Variants in TBC1D10C observed in about 807,000 individuals in gnomAD.
TBC1D10C encodes carabin.
TBC1D10C carries 49 observed loss-of-function variants against 51.0 expected under a neutral mutation model. The observed-to-expected ratio is 0.96, with a 90% CI of 0.76 to 1.22. The LOEUF is 1.22. Ranked by LOEUF, TBC1D10C falls within the 50% of genes most tolerant of loss-of-function variation. The probability of loss-of-function intolerance (pLI) is 0.00; values close to 1 mark genes in which losing one functional copy is unlikely to be tolerated. For missense variants in TBC1D10C, 541 were observed against 617.5 expected, an observed-to-expected ratio of 0.88 and a Z score of 1.31; for synonymous variants, 281 against 266.7, an observed-to-expected ratio of 1.05 and a Z score of -0.52.
chr11:67,407,035 G>A lies in TBC1D10C; in HGVS notation c.838+19G>A, dbSNP rs1404815704. On this transcript the variant is annotated intron_variant, in intron 7 of 8. Coordinates refer to ENST00000542590, the MANE Select transcript of TBC1D10C (RefSeq NM_001369496.1). ...AGTGAGGGTGAGTGGGGCAGCCAGT[G>A]GCTGGGGCAGGAGCCTTGGGGTGTG... 1.9e-6 allele frequency: 3 copies of A among 1,602,676 alleles called. No homozygotes were observed. In the African/African-American group the frequency reaches 4.0e-5, roughly 21 times the overall value.
At chr11:67,406,093 T>C (rs769957765) in intron 5 of TBC1D10C, 76 bp downstream of exon 5, 36 of 1,252,100 alleles carry the variant, frequency 2.9e-5, no homozygotes, top group Admixed American at 1.5e-4. Context: ...AACTGTGGCC[T>C]CAGAAACCTG....
intron 8 of TBC1D10C, 119 bp downstream of exon 8, chr11:67,409,252 A>G: frequency 7.0e-7 from 1 of 1,419,718 alleles, no homozygotes; most frequent in South Asian, 1.5e-5. Flanking sequence ...TGAGCTTCAG[A>G]GAACACAAAA....
Position 67,404,173 on chromosome 11 carries a change from C to A in TBC1D10C, c.-30C>A. ...CTCACACTGGTTCTCCCCACTTTCT[C>A]TGCCTGTGGCATCGAAGGCCCCGGG... On this transcript the variant is annotated 5_prime_UTR_variant, in exon 1 of 9. In the 5' UTR this introduces an upstream ATG that the reference lacks. Coordinates refer to ENST00000542590, the MANE Select transcript of TBC1D10C (RefSeq NM_001369496.1). 5 of 1,476,110 alleles carry A rather than the reference C, an allele frequency of 3.4e-6. No individual in the cohort carries two copies. The highest frequency in any genetic ancestry group is 1.4e-5 in the African/African-American group (1 of 69,412). 91.4% of individuals were successfully genotyped at this position (1,476,110 alleles called of 1,614,324 possible).
Position 67,405,111 on chromosome 11 carries a change from TC to T in TBC1D10C, c.181del (p.Arg61AlafsTer5), listed in dbSNP as rs923737558. ...CCGGGCCACCCACCTGCAGACCTCA[TC>T]CGCCAACGGGAGATGAAGTGGGTGG... Reference protein sequence around the residue: ...PGPGHPPADLIRQREMKWVEM... With the variant: ...PGPGHPPADLXRQREMKWVEM... On this transcript the variant is annotated frameshift_variant, in exon 2 of 9. Coordinates refer to ENST00000542590, the MANE Select transcript of TBC1D10C (RefSeq NM_001369496.1). LOFTEE classifies it high-confidence loss of function. The T allele has an allele frequency of 2.6e-6, 4 of 1,551,312 alleles. No homozygotes were observed. The highest frequency in any genetic ancestry group is 3.5e-6 in the Non-Finnish European group (4 of 1,146,920).
Position 67,409,530 on chromosome 11 carries a change from G to T in TBC1D10C, c.1117G>T (p.Ala373Ser). ...RPQVRLAGAQ[A>S]IFEAQQLAGV... ...ACAGGTCCGCCTCGCCGGGGCCCAA[G>T]CCATCTTTGAGGCCCAGCAGCTGGC... Residue 373 changes from alanine (A) to serine (S), a missense_variant, in exon 9 of 9, where the codon GCC becomes TCC. Coordinates refer to ENST00000542590, the MANE Select transcript of TBC1D10C (RefSeq NM_001369496.1). 2.6e-6 allele frequency: 4 copies of T among 1,548,738 alleles called. No individual in the cohort carries two copies. The highest frequency in any genetic ancestry group is 3.5e-6 in the Non-Finnish European group (4 of 1,146,504).
chr11:67,406,835 G>A lies in TBC1D10C; in HGVS notation c.657G>A (p.Val219=). Residue 219 remains valine, a synonymous_variant, in exon 7 of 9, where the codon GTG becomes GTA. Coordinates refer to ENST00000542590, the MANE Select transcript of TBC1D10C (RefSeq NM_001369496.1). The part of the protein sequence containing the change: ...PGYYGPHMEA[V]RLDAEVFMAL... Reference sequence around the variant, plus strand: ...GATGGACGTGGCCACAGGAGGCTGTGCGGCTGGACGCCGAGGTGTTCATGG... The same window carrying A: ...GATGGACGTGGCCACAGGAGGCTGTACGGCTGGACGCCGAGGTGTTCATGG... 6.2e-7 allele frequency: 1 copy of A among 1,608,418 alleles called. No individual in the cohort carries two copies. The highest frequency in any genetic ancestry group is 1.7e-5 in the Admixed American group (1 of 59,844).
Position 67,406,615 on chromosome 11 carries a change from C to T in TBC1D10C, c.583-12C>T, listed in dbSNP as rs965850303. The T allele has an allele frequency of 9.0e-6, 14 of 1,561,684 alleles. No individual in the cohort carries two copies. In the Admixed American group the frequency reaches 1.9e-4, roughly 21 times the overall value. ...TGAGCACTTACAGGCCTGTGCCCTG[C>T]CCCTTCCCCAGGAGGCCTTCTGGTG... is the stretch of plus-strand genomic sequence containing the variant. On this transcript the variant is annotated splice_polypyrimidine_tract_variant and intron_variant, in intron 5 of 8. Transcript: ENST00000542590.
In TBC1D10C at chr11:67,405,519, G is replaced by A. The variant is rs969168065; in HGVS notation, c.360+13G>A. The A allele has an allele frequency of 6.2e-7, 1 of 1,613,638 alleles. No individual in the cohort carries two copies. The highest frequency in any genetic ancestry group is 1.7e-5 in the Admixed American group (1 of 60,014). On this transcript the variant is annotated intron_variant, in intron 3 of 8. Transcript: ENST00000542590. ...TGGCACCTATCAGGTGAGGGAGTGGGCAGGGGCCCCAATTCCCCTACCCAG... is the reference window on the plus strand; with the variant it reads ...TGGCACCTATCAGGTGAGGGAGTGGACAGGGGCCCCAATTCCCCTACCCAG...
rs756837298 is a variant in TBC1D10C at position 67,406,992 on chromosome 11, G to A, written c.814G>A (p.Val272Ile). ...RSLPFPTVLR[V>I]WDAFLSEGAR... is the part of the protein sequence containing the mutation. ...CCTGCCCTTCCCCACAGTGCTGCGTGTCTGGGATGCCTTCCTCAGTGAGGG... is the reference window on the plus strand; with the variant it reads ...CCTGCCCTTCCCCACAGTGCTGCGTATCTGGGATGCCTTCCTCAGTGAGGG... Residue 272 changes from valine (V) to isoleucine (I), a missense_variant, in exon 7 of 9, where the codon GTC becomes ATC. Coordinates refer to ENST00000542590, the MANE Select transcript of TBC1D10C (RefSeq NM_001369496.1). The A allele has an allele frequency of 6.2e-7, 1 of 1,612,576 alleles. No individual in the cohort carries two copies. The highest frequency in any genetic ancestry group is 1.7e-5 in the Admixed American group (1 of 59,980).
At chr11:67,405,813 C>A in intron 4 of TBC1D10C, 90 bp from the exon 5 acceptor site, 1 of 1,545,658 alleles carries the variant, frequency 6.5e-7, no homozygotes, top group Non-Finnish European at 8.8e-7. Flanking sequence ...CCAGGAAGGC[C>A]CAGGGAGGCT....
At chr11:67,404,547 A>C (rs946505585) in intron 1 of TBC1D10C, among the ~76,000 whole-genome samples, 193 bp downstream of exon 1, 1 of 151,808 alleles carries the variant, frequency 6.6e-6, no homozygotes, top group Non-Finnish European at 1.5e-5. Context: ...TACGTCTCTT[A>C]CCCCCAGCCT....
At position 67,405,072 on chromosome 11, in the gene TBC1D10C, C is replaced by T. The variant is rs1404661164; in HGVS notation, c.153-13C>T. On this transcript the variant is annotated splice_polypyrimidine_tract_variant and intron_variant, in intron 1 of 8. Coordinates refer to ENST00000542590, the MANE Select transcript of TBC1D10C (RefSeq NM_001369496.1). ...CTGCCCAGCGTCTGGATACCTGTGC[C>T]ATGCACCCCCAGGCCGGGCCACCCA... The T allele has an allele frequency of 1.3e-6, 2 of 1,548,534 alleles. No homozygotes were observed. The highest frequency in any genetic ancestry group is 1.7e-6 in the Non-Finnish European group (2 of 1,145,578).
upstream of TBC1D10C, chr11:67,404,055 A>G (rs1863037824): frequency 2.0e-6 from 2 of 999,074 alleles, no homozygotes; most frequent in Non-Finnish European, 2.7e-6. Flanking sequence ...CCCTGCCCCC[A>G]TAAAAGAGGA....
intron 4 of TBC1D10C, 39 bp from the exon 5 acceptor site, chr11:67,405,864 G>A (rs1307858719): frequency 3.9e-6 from 6 of 1,555,288 alleles, no homozygotes; most frequent in Admixed American, 2.0e-5. Context: ...AGAAGGGGGT[G>A]CCTGCAGGAC....
intron 7 of TBC1D10C, chr11:67,408,694 A>G (rs1370675893): frequency 5.3e-6 from 2 of 374,372 alleles, no homozygotes; most frequent in Admixed American, 4.9e-5. Flanking sequence ...TCTGAGCATC[A>G]AGTGATCAAG....
rs960779446 is a variant in TBC1D10C at position 67,404,340 on chromosome 11, C to T, written c.138C>T (p.Ser46=). The T allele has an allele frequency of 6.3e-6, 10 of 1,584,984 alleles. No homozygotes were observed. Among genetic ancestry groups the T allele is most frequent in the Admixed American group, 1.7e-5 (1 of 57,516 alleles). The part of the protein sequence containing the change: ...QADRYGFIGG[S]SAEPGPGHPP... ...ACCGCTATGGATTCATTGGGGGCAG[C>T]TCAGCAGAGCCAGGGTAAGGGGGCA... Residue 46 remains serine, a synonymous_variant, in exon 1 of 9, where the codon AGC becomes AGT. Transcript: ENST00000542590.
chr11:67,408,656 T>G (rs1590949491), intron 7 of TBC1D10C: 2 of 261,134 alleles, frequency 7.7e-6, no homozygotes, highest in Non-Finnish European at 1.5e-5. Flanking sequence ...ACCTGCTGGG[T>G]GCTTGCTGGC....
rs752283117 is a variant in TBC1D10C at position 67,409,751 on chromosome 11, C to G, written c.1338C>G (p.Phe446Leu). 1 of 1,581,156 alleles carries G rather than the reference C, an allele frequency of 6.3e-7. No individual in the cohort carries two copies. The highest frequency in any genetic ancestry group is 8.5e-7 in the Non-Finnish European group (1 of 1,174,386). Residue 446 changes from phenylalanine to leucine, a missense_variant, in exon 9 of 9, where the codon TTC becomes TTG. Phe to Leu is a conservative substitution (Grantham distance 22). Coordinates refer to ENST00000542590, the MANE Select transcript of TBC1D10C (RefSeq NM_001369496.1). The part of the protein sequence containing the change: ...RGSTSFLDTR[F>L] ...CCACCTCCTTCCTGGACACCCGCTT[C>G]TGAGAGGACCATGGACTTAGTGTCC...
At chr11:67,408,853 A>G (rs746722102) in intron 7 of TBC1D10C, 126 bp from the exon 8 acceptor site, 52 of 1,277,620 alleles carry the variant, frequency 4.1e-5, no homozygotes, top group Non-Finnish European at 5.4e-5. Context: ...ACCCTCTGTC[A>G]TTGTTCCTGA....
Sources: allele counts gnomAD v4.1 joint callset (sites outside exome capture counted in the v4.1 genomes callset), GRCh38; gene constraint gnomAD v4.1.1; transcripts MANE v1.5; gene names NCBI Gene and HGNC (gene_info 2026-07-23, HGNC 2026-07-21).